The following XYLT1 variants were observed in gnomAD, a reference collection of about 807,000 sequenced individuals.
The protein encoded by XYLT1 is xylosyltransferase 1, also known as beta-D-xylosyltransferase 1.
XYLT1 carries 36 observed loss-of-function variants against 91.3 expected under a neutral mutation model. That is an observed-to-expected ratio of 0.39 (90% CI 0.30 to 0.52). The LOEUF (loss-of-function observed/expected upper bound fraction) is 0.52, where lower values mean the gene tolerates loss of function less well. Among genes scored for constraint, XYLT1 ranks in the 20% least tolerant of loss-of-function variants. The probability of loss-of-function intolerance (pLI) is 0.68; values close to 1 mark genes in which losing one functional copy is unlikely to be tolerated. For synonymous variants in XYLT1, 588 were observed against 532.0 expected (o/e 1.11, Z -1.45); for missense variants, 1,242 against 1,284.5 (o/e 0.97, Z 0.51).
chr16:17,312,033 C>A lies in XYLT1; in HGVS notation c.402+45979G>T, dbSNP rs1165596755. Reference sequence around the variant, plus strand: ...AGATGAGATTTGGGTGGGGACACAACCAAACCATATCAATGGGGGTTTAAG... The same window carrying A: ...AGATGAGATTTGGGTGGGGACACAAACAAACCATATCAATGGGGGTTTAAG... On this transcript the variant is annotated intron_variant, in intron 2 of 11. Transcript: ENST00000261381. The surrounding 1 kb of genome is among the most constrained non-coding windows in gnomAD (Gnocchi z 4.4). Among the ~76,000 whole-genome samples the A allele has an allele frequency of 1.3e-5, 2 of 152,102 alleles. No individual in the cohort carries two copies. The highest frequency in any genetic ancestry group is 4.8e-5 in the African/African-American group (2 of 41,398).
chr16:17,354,356 G>A (rs2035263920), intron 2 of XYLT1, among the ~76,000 whole-genome samples: 2 of 152,138 alleles, frequency 1.3e-5, no homozygotes, highest in African/African-American at 2.4e-5. Context: ...AGCATTAGAG[G>A]AGTCCTCAGC....
At chr16:17,303,414 T>C (rs1443376791) in intron 2 of XYLT1, among the ~76,000 whole-genome samples, 1 of 152,248 alleles carries the variant, frequency 6.6e-6, no homozygotes, top group African/African-American at 2.4e-5. Context: ...TATCTGGTCC[T>C]CTACAGACAG....
chr16:17,150,573 T>A (rs1385239615), intron 6 of XYLT1, among the ~76,000 whole-genome samples: 1 of 152,102 alleles, frequency 6.6e-6, no homozygotes, highest in African/African-American at 2.4e-5. Context: ...TGCAACCCCA[T>A]GAGGGCTCAT....
At chr16:17,378,683 C>T (rs72781572) in intron 1 of XYLT1, among the ~76,000 whole-genome samples, 6 of 152,284 alleles carry the variant, frequency 3.9e-5, no homozygotes, top group Non-Finnish European at 7.4e-5. Context: ...TTCACCGTCA[C>T]GACAACACTG....
chr16:17,343,400 C>T (rs1165645620), intron 2 of XYLT1, among the ~76,000 whole-genome samples: 2 of 152,178 alleles, frequency 1.3e-5, no homozygotes, highest in South Asian at 2.1e-4. Flanking sequence ...GGTCTCCATC[C>T]CCCAGATGTG....
At chr16:17,132,493 CA>C (rs2030520727) in intron 9 of XYLT1, among the ~76,000 whole-genome samples, 3 of 144,190 alleles carry the variant, frequency 2.1e-5, no homozygotes, top group African/African-American at 7.6e-5. Flanking sequence ...TGGCAACTGG[CA>C]ACTAAGATAC....
At chr16:17,236,999 T>C (rs1432563774) in intron 3 of XYLT1, among the ~76,000 whole-genome samples, 2 of 152,222 alleles carry the variant, frequency 1.3e-5, no homozygotes, top group East Asian at 1.9e-4. Flanking sequence ...CAATTGAGTA[T>C]AGGATTCTGA....
intron 1 of XYLT1, among the ~76,000 whole-genome samples, chr16:17,467,924 G>A (rs895953693): frequency 6.6e-6 from 1 of 151,822 alleles, no homozygotes; most frequent in Non-Finnish European, 1.5e-5. Context: ...CTCTCTACAA[G>A]AGCCATCTGG....
At chr16:17,142,842 A>T (rs972371477) in intron 6 of XYLT1, among the ~76,000 whole-genome samples, 1 of 152,128 alleles carries the variant, frequency 6.6e-6, no homozygotes, top group Non-Finnish European at 1.5e-5. Context: ...CCTACTGGTG[A>T]CCGAGTCAGT....
At chr16:17,361,093 C>T (rs1256336940) in intron 1 of XYLT1, among the ~76,000 whole-genome samples, 1 of 152,214 alleles carries the variant, frequency 6.6e-6, no homozygotes, top group Non-Finnish European at 1.5e-5. Flanking sequence ...TGTGCTTCTG[C>T]AGCCCTTAAG....
Position 17,334,019 on chromosome 16 carries a change from C to A in XYLT1, c.402+23993G>T, listed in dbSNP as rs114681021. 4.0e-3 allele frequency among the ~76,000 whole-genome samples: 607 copies of A among 152,182 alleles called. 6 individuals carry two copies. The highest frequency in any genetic ancestry group is 0.014 in the African/African-American group (580 of 41,492). Reference sequence around the variant, plus strand: ...AAAGGTATGGAGAGAACTAAGTAAACCCCTTTTGCCCTTCCATCCCTTTCA... The same window carrying A: ...AAAGGTATGGAGAGAACTAAGTAAAACCCTTTTGCCCTTCCATCCCTTTCA... On this transcript the variant is annotated intron_variant, in intron 2 of 11. Coordinates refer to ENST00000261381, the MANE Select transcript of XYLT1 (RefSeq NM_022166.4).
At chr16:17,270,647 C>T (rs1227180732) in intron 2 of XYLT1, among the ~76,000 whole-genome samples, 2 of 152,224 alleles carry the variant, frequency 1.3e-5, no homozygotes, top group African/African-American at 2.4e-5. Flanking sequence ...GTGCTGATTA[C>T]CTACCAGGCA....
intron 2 of XYLT1, among the ~76,000 whole-genome samples, chr16:17,320,981 G>A (rs2034710047): frequency 6.6e-6 from 1 of 151,978 alleles, no homozygotes; most frequent in Non-Finnish European, 1.5e-5. Flanking sequence ...AGGGTAGGTG[G>A]AGCCCTGTCC....
Position 17,252,765 on chromosome 16 carries a change from T to C in XYLT1, c.913+6223A>G, listed in dbSNP as rs2033561567. Among the ~76,000 whole-genome samples, 2 of 152,152 alleles carry C rather than the reference T, an allele frequency of 1.3e-5. 1 individual carries two copies. The highest frequency in any genetic ancestry group is 2.9e-5 in the Non-Finnish European group (2 of 68,028). On this transcript the variant is annotated intron_variant, in intron 3 of 11. Coordinates refer to ENST00000261381, the MANE Select transcript of XYLT1 (RefSeq NM_022166.4). ...TGAGGGACAGGAGGAGTGGGGGCGC[T>C]GTACCAAAGTCAACATTTAAAATCT...
chr16:17,452,751 T>C (rs1042470496), intron 1 of XYLT1, among the ~76,000 whole-genome samples: 3 of 152,222 alleles, frequency 2.0e-5, no homozygotes, highest in African/African-American at 4.8e-5. Context: ...AGTTTTCTAC[T>C]TTTGAAATCT....
At chr16:17,357,914 C>T (rs912524511) in intron 2 of XYLT1, 98 bp downstream of exon 2, 2 of 1,346,004 alleles carry the variant, frequency 1.5e-6, no homozygotes, top group Non-Finnish European at 2.1e-6. Flanking sequence ...CAGGGGCAGC[C>T]ATGGGCCTGT....
intron 6 of XYLT1, among the ~76,000 whole-genome samples, chr16:17,147,561 T>C (rs7196577): frequency 0.031 from 4,757 of 152,324 alleles, 281 homozygotes; most frequent in African/African-American, 0.11. Context: ...ATTTATCACA[T>C]TCAAAAACTG....
intron 3 of XYLT1, among the ~76,000 whole-genome samples, chr16:17,232,644 G>A (rs1462018953): frequency 6.6e-6 from 1 of 151,788 alleles, no homozygotes; most frequent in Non-Finnish European, 1.5e-5. Flanking sequence ...GGCGATGACA[G>A]TGGTGGTGAT....
chr16:17,433,800 A>C (rs1348778844), intron 1 of XYLT1, among the ~76,000 whole-genome samples: 1 of 152,216 alleles, frequency 6.6e-6, no homozygotes, highest in East Asian at 1.9e-4. Context: ...GAGGCCTGAT[A>C]ATCTCCTTCT....
Sources: gnomAD v4.1 joint callset for allele counts (sites outside exome capture counted in the v4.1 genomes callset) on GRCh38, gnomAD v4.1.1 for gene constraint, Gnocchi (gnomAD v3.1) non-coding constraint, MANE v1.5 for transcripts, NCBI Gene and HGNC (gene_info 2026-07-23, HGNC 2026-07-21) for gene names.